The following SPATA6L variants were observed in gnomAD, a reference collection of about 807,000 sequenced individuals.
The protein encoded by SPATA6L is spermatogenesis associated 6-like protein.
In SPATA6L, 68 loss-of-function variants were observed where a neutral mutation model predicts 49.2. The ratio of observed to expected loss-of-function variants is 1.38; its 90% CI spans 1.14 to 1.69. SPATA6L has a LOEUF of 1.69. Among genes scored for constraint, SPATA6L ranks in the 40% most tolerant of loss-of-function variants. The probability of loss-of-function intolerance (pLI) is 0.00; values close to 1 mark genes in which losing one functional copy is unlikely to be tolerated. For missense variants in SPATA6L, 668 were observed against 464.3 expected (o/e 1.44, Z -4.03); for synonymous variants, 198 against 165.7 (o/e 1.19, Z -1.50).
At chr9:4,606,317 G>A (rs375433742) in intron 9 of SPATA6L, among the ~76,000 whole-genome samples, 3,327 of 142,168 alleles carry the variant, frequency 0.023, 152 homozygotes, top group South Asian at 0.047. Context: ...AGGCCTGCCT[G>A]CCTCTGTAGG....
intron 9 of SPATA6L, among the ~76,000 whole-genome samples, chr9:4,606,714 G>A (rs1586976719): frequency 7.1e-6 from 1 of 140,824 alleles, no homozygotes; most frequent in Admixed American, 7.3e-5. Flanking sequence ...CAGAAAAACT[G>A]GAAACTCTAA....
At chr9:4,640,947 T>C (rs1353697136) in intron 3 of SPATA6L, among the ~76,000 whole-genome samples, 1 of 152,192 alleles carries the variant, frequency 6.6e-6, no homozygotes, top group African/African-American at 2.4e-5. Flanking sequence ...AAACAACTAT[T>C]CTTGCAACCT....
At position 4,662,954 on chromosome 9, in the gene SPATA6L, C is replaced by G. The variant is rs764381545; in HGVS notation, c.40-918G>C. The G allele has an allele frequency of 6.2e-7, 1 of 1,612,496 alleles. No individual in the cohort carries two copies. Among genetic ancestry groups the G allele is most frequent in the Non-Finnish European group, 8.5e-7 (1 of 1,179,942 alleles). On this transcript the variant is annotated intron_variant, in intron 1 of 11. Coordinates refer to ENST00000682582, the MANE Select transcript of SPATA6L (RefSeq NM_001353486.2). The surrounding 1 kb of genome is among the most constrained non-coding windows in gnomAD (Gnocchi z 4.9). ...GGCTGGTCCGCAGGCGCCGCCCGGC[C>G]CACAACCAGATGGACATGTTTGTCA...
chr9:4,618,841 A>G lies in SPATA6L; in HGVS notation c.807+23T>C, dbSNP rs144430338. 3.7e-4 allele frequency: 591 copies of G among 1,604,606 alleles called. 4 individuals are homozygous for G. In the African/African-American group the frequency reaches 7.1e-3, roughly 19 times the overall value. ...AAGATATCTGGAAGTAAATCATTTT[A>G]CAAATTCTACTTCTAAAATTACCTT... is the stretch of plus-strand genomic sequence containing the variant. On this transcript the variant is annotated intron_variant, in intron 8 of 11. Transcript: ENST00000682582.
intron 3 of SPATA6L, among the ~76,000 whole-genome samples, chr9:4,640,035 A>G (rs994937656): frequency 6.6e-6 from 1 of 152,270 alleles, no homozygotes; most frequent in African/African-American, 2.4e-5. Flanking sequence ...TTGCTATGAA[A>G]GTATAAAATA....
chr9:4,636,625 A>G (rs1411584861), intron 3 of SPATA6L, among the ~76,000 whole-genome samples: 1 of 152,218 alleles, frequency 6.6e-6, no homozygotes, highest in Non-Finnish European at 1.5e-5. Context: ...CACTTTACTT[A>G]TGAGAAGAAT....
intron 9 of SPATA6L, among the ~76,000 whole-genome samples, chr9:4,616,481 C>T (rs947202756): frequency 6.6e-6 from 1 of 152,142 alleles, no homozygotes; most frequent in Non-Finnish European, 1.5e-5. Context: ...CTGCTGAATT[C>T]CAGGCTGGTG....
Position 4,617,938 on chromosome 9 carries a change from G to T in SPATA6L, c.980C>A (p.Pro327His). Residue 327 changes from proline (P) to histidine (H), a missense_variant, in exon 9 of 12, where the codon CCC becomes CAC. Physicochemically the swap from Pro to His is moderately conservative, Grantham distance 77. Transcript: ENST00000682582. ...HSTSPGPLDQ[P>H]LLRERFHPGS... ...TGCCACTGACCTTTCTCTGAGAAGG[G>T]GCTGATCCAAGGGGCCAGGAGAGGT... 1 of 1,612,580 alleles carries T rather than the reference G, an allele frequency of 6.2e-7. No individual in the cohort carries two copies. The highest frequency in any genetic ancestry group is 8.5e-7 in the Non-Finnish European group (1 of 1,179,234).
Position 4,637,046 on chromosome 9 carries a change from A to G in SPATA6L, c.227-1647T>C, listed in dbSNP as rs956832351. Among the ~76,000 whole-genome samples, 5 of 152,190 alleles carry G rather than the reference A, an allele frequency of 3.3e-5. 1 individual carries two copies. Among genetic ancestry groups the G allele is most frequent in the African/African-American group, 1.2e-4 (5 of 41,456 alleles). ...CTTAAAACCTTCCAATGGGCTTCCC[A>G]TCGCATTAGAATAAAATCTAAGCAC... On this transcript the variant is annotated intron_variant, in intron 3 of 11. Transcript: ENST00000682582.
At chr9:4,601,368 G>T (rs1263204850) in intron 11 of SPATA6L, among the ~76,000 whole-genome samples, 2 of 147,040 alleles carry the variant, frequency 1.4e-5, no homozygotes, top group Non-Finnish European at 1.5e-5. Context: ...TTTACGGGAG[G>T]TTTTTTTTTT....
intron 3 of SPATA6L, among the ~76,000 whole-genome samples, chr9:4,649,868 T>C (rs1018574481): frequency 6.6e-6 from 1 of 152,220 alleles, no homozygotes; most frequent in African/African-American, 2.4e-5. Flanking sequence ...TCTTGCAGGA[T>C]CATTTGAAAT....
At chr9:4,654,158 C>T (rs1443616595) in intron 3 of SPATA6L, among the ~76,000 whole-genome samples, 2 of 152,172 alleles carry the variant, frequency 1.3e-5, no homozygotes, top group South Asian at 2.1e-4. Context: ...TAACAAGTGT[C>T]GGCCAGGATG....
In SPATA6L at chr9:4,593,157, T is replaced by A. The variant is rs59521208; in HGVS notation, c.*254+3278A>T. Reference sequence around the variant, plus strand: ...ACATGATTCCAAGTCTTTTCCTAACTATTAAGATATAATGCTTCAAAATGC... The same window carrying A: ...ACATGATTCCAAGTCTTTTCCTAACAATTAAGATATAATGCTTCAAAATGC... On this transcript the variant is annotated intron_variant and NMD_transcript_variant, in intron 13 of 13. Coordinates refer to the SPATA6L transcript ENST00000461761. Among the ~76,000 whole-genome samples, 303 of 152,334 alleles carry A rather than the reference T, an allele frequency of 2.0e-3. 1 individual carries two copies. The highest frequency in any genetic ancestry group is 6.7e-3 in the African/African-American group (279 of 41,570).
chr9:4,605,876 T>C (rs909769427), intron 9 of SPATA6L, among the ~76,000 whole-genome samples: 1 of 152,174 alleles, frequency 6.6e-6, no homozygotes, highest in Non-Finnish European at 1.5e-5. Flanking sequence ...GGACGGGTGA[T>C]TTCTGCATTT....
chr9:4,609,210 C>T (rs1240370109), intron 9 of SPATA6L, among the ~76,000 whole-genome samples: 1 of 151,414 alleles, frequency 6.6e-6, no homozygotes, highest in Non-Finnish European at 1.5e-5. Context: ...CGAATTCTAC[C>T]AGAGGTACAA....
intron 3 of SPATA6L, among the ~76,000 whole-genome samples, chr9:4,652,621 G>A (rs1438126637): frequency 2.0e-5 from 3 of 151,508 alleles, no homozygotes; most frequent in Non-Finnish European, 2.9e-5. Flanking sequence ...AGTCCAAGGC[G>A]GGTGGATCAC....
At chr9:4,606,346 G>T (rs1825028813) in intron 9 of SPATA6L, among the ~76,000 whole-genome samples, 1 of 139,432 alleles carries the variant, frequency 7.2e-6, no homozygotes, top group South Asian at 2.4e-4. Flanking sequence ...CTGGGGGCAG[G>T]GCACAGACAA....
At chr9:4,659,111 T>C (rs7047933) in intron 2 of SPATA6L, among the ~76,000 whole-genome samples, 92,560 of 152,018 alleles carry the variant, frequency 0.61, 29,570 homozygotes, top group African/African-American at 0.81. Flanking sequence ...TCTGAGTATA[T>C]GTTCCAAGGT....
rs77311269 is a variant in SPATA6L, at chr9:4,598,763, G to T, written c.*2048C>A. ...CTGAGACTTATAGCGTAACCTTAAT[G>T]TAACACAATATTTTCTTACTTTTGA... On this transcript the variant is annotated 3_prime_UTR_variant, in exon 12 of 12. Coordinates refer to ENST00000682582, the MANE Select transcript of SPATA6L (RefSeq NM_001353486.2). 6.6e-6 allele frequency among the ~76,000 whole-genome samples: 1 copy of T among 152,220 alleles called. No individual in the cohort carries two copies. The highest frequency in any genetic ancestry group is 1.9e-4 in the East Asian group (1 of 5,206).
Sources: allele counts gnomAD v4.1 joint callset (sites outside exome capture counted in the v4.1 genomes callset), GRCh38; gene constraint gnomAD v4.1.1; non-coding constraint Gnocchi (gnomAD v3.1); transcripts MANE v1.5; gene names NCBI Gene and HGNC (gene_info 2026-07-23, HGNC 2026-07-21).